The following PRSS12 variants were observed in gnomAD, a reference collection of about 807,000 sequenced individuals.
PRSS12 encodes the protein neurotrypsin.
In PRSS12, 85 loss-of-function variants were observed where a neutral mutation model predicts 104.4. The ratio of observed to expected loss-of-function variants is 0.81; its 90% confidence interval spans 0.68 to 0.98. The LOEUF is 0.98. Among genes scored for constraint, PRSS12 ranks in the 50% least tolerant of loss-of-function variants. The pLI, the probability that PRSS12 is intolerant of heterozygous loss-of-function variation, is 0.00. For synonymous variants in PRSS12, 454 were observed against 425.2 expected, an observed-to-expected ratio of 1.07 and a Z score of -0.83; for missense variants, 1,141 against 1,139.2, an observed-to-expected ratio of 1.00 and a Z score of -0.02.
At chr4:118,326,348 G>C (rs1723771071) in intron 4 of PRSS12, among the ~76,000 whole-genome samples, 1 of 152,198 alleles carries the variant, frequency 6.6e-6, no homozygotes, top group Non-Finnish European at 1.5e-5. Flanking sequence ...TGGTCTAACA[G>C]TGCTTTTAGA....
rs1182867218 is a variant in PRSS12 at position 118,295,835 on chromosome 4, C to G, written c.1859G>C (p.Gly620Ala). 6.2e-7 allele frequency: 1 copy of G among 1,613,944 alleles called. No individual in the cohort carries two copies. The highest frequency in any genetic ancestry group is 8.5e-7 in the Non-Finnish European group (1 of 1,179,966). The change falls in exon 10 of 13, where the codon GGC becomes GCC. Residue 620 changes from glycine (G) to alanine (A), a missense_variant. Physicochemically the swap from Gly to Ala is moderately conservative, Grantham distance 60. Coordinates refer to ENST00000296498, the MANE Select transcript of PRSS12 (RefSeq NM_003619.4). ...SNKESLSSVC[G>A]LRLLHRRQKR... ...CTGCCGACGGTGCAGTAATCTCAAG[C>G]CACAAACAGATGAGAGGGACTCTGA...
At chr4:118,302,094 CATT>C (rs1184115308) in intron 8 of PRSS12, among the ~76,000 whole-genome samples, 1 of 152,016 alleles carries the variant, frequency 6.6e-6, no homozygotes, top group Admixed American at 6.6e-5. Flanking sequence ...AACTTTTCAA[CATT>C]ATTAAGATAT....
Position 118,349,918 on chromosome 4 carries a change from G to A in PRSS12, c.502+2301C>T, listed in dbSNP as rs1205138219. ...CTCAAGAGGCTGAGGCAGGAGAATCGCTTGAACCAGGGAGGCGGAGGTTGC... is the reference window on the plus strand; with the variant it reads ...CTCAAGAGGCTGAGGCAGGAGAATCACTTGAACCAGGGAGGCGGAGGTTGC... On this transcript the variant is annotated intron_variant, in intron 1 of 12. Coordinates refer to ENST00000296498, the MANE Select transcript of PRSS12 (RefSeq NM_003619.4). Among the ~76,000 whole-genome samples, 5 of 152,110 alleles carry A rather than the reference G, an allele frequency of 3.3e-5. No homozygotes were observed. In the East Asian group the frequency reaches 5.8e-4, roughly 18 times the overall value.
chr4:118,301,316 A>G (rs896655891), intron 8 of PRSS12, among the ~76,000 whole-genome samples: 6 of 152,202 alleles, frequency 3.9e-5, no homozygotes, highest in African/African-American at 1.4e-4. Context: ...GAAAACACTT[A>G]AAGTATAGCA....
chr4:118,290,134 T>C (rs113021598), intron 11 of PRSS12, among the ~76,000 whole-genome samples: 1,969 of 152,130 alleles, frequency 0.013, 21 homozygotes, highest in Middle Eastern at 0.02. Flanking sequence ...TAAACACAAA[T>C]GAGAAATGAG....
At chr4:118,320,810 G>A (rs556011022) in intron 4 of PRSS12, among the ~76,000 whole-genome samples, 6 of 152,124 alleles carry the variant, frequency 3.9e-5, no homozygotes, top group East Asian at 3.9e-4. Context: ...GGAATGCTCC[G>A]TCATCACCTG....
chr4:118,350,407 C>T (rs997229370), intron 1 of PRSS12, among the ~76,000 whole-genome samples: 1 of 152,156 alleles, frequency 6.6e-6, no homozygotes, highest in African/African-American at 2.4e-5. Context: ...ATAGGTTATG[C>T]CCAAGCAGAC....
chr4:118,341,630 C>T (rs572432471), intron 1 of PRSS12, among the ~76,000 whole-genome samples: 32 of 151,470 alleles, frequency 2.1e-4, no homozygotes, highest in African/African-American at 6.8e-4. Context: ...TGCGGCGAGC[C>T]GAGATCTCAC....
chr4:118,338,363 G>C, intron 1 of PRSS12, 49 bp from the exon 2 acceptor site: 2 of 1,606,948 alleles, frequency 1.2e-6, no homozygotes, highest in Non-Finnish European at 1.7e-6. Context: ...ATAATCATTT[G>C]AACATATTGA....
At chr4:118,292,468 T>C (rs1288881139) in intron 11 of PRSS12, among the ~76,000 whole-genome samples, 1 of 152,178 alleles carries the variant, frequency 6.6e-6, no homozygotes, top group Admixed American at 6.5e-5. Flanking sequence ...CCTAAACTTT[T>C]TCTGGTCATA....
intron 1 of PRSS12, among the ~76,000 whole-genome samples, chr4:118,350,560 A>G (rs1183099805): frequency 2.0e-5 from 3 of 152,174 alleles, no homozygotes; most frequent in Non-Finnish European, 4.4e-5. Flanking sequence ...TCTTTTGTTC[A>G]ATCACTTTAC....
chr4:118,290,182 G>A (rs539820169), intron 11 of PRSS12, among the ~76,000 whole-genome samples: 1 of 152,172 alleles, frequency 6.6e-6, no homozygotes, highest in South Asian at 2.1e-4. Context: ...AGACAGAGCA[G>A]GCCAAAGGAG....
Position 118,338,283 on chromosome 4 carries a change from C to T in PRSS12, c.534G>A (p.Glu178=), listed in dbSNP as rs376721392. Residue 178 remains glutamate (E), a synonymous_variant, in exon 2 of 13, where the codon GAG becomes GAA. Transcript: ENST00000296498. ...CATATACTTCCACTGTGCCTTCAAACTCATTTTTGCCGCCACGAAGTCGTA... is the reference window on the plus strand; with the variant it reads ...CATATACTTCCACTGTGCCTTCAAATTCATTTTTGCCGCCACGAAGTCGTA... ...GSVRLRGGKN[E]FEGTVEVYAS... The T allele has an allele frequency of 1.2e-6, 2 of 1,614,030 alleles. No homozygotes were observed. The highest frequency in any genetic ancestry group is 1.7e-6 in the Non-Finnish European group (2 of 1,179,950).
intron 9 of PRSS12, 42 bp downstream of exon 9, chr4:118,298,691 T>C (rs1330441943): frequency 1.3e-6 from 2 of 1,542,920 alleles, no homozygotes; most frequent in Admixed American, 1.7e-5. Context: ...GAATGGGAAT[T>C]AGTATTCCTT....
At chr4:118,341,864 A>G (rs899780691) in intron 1 of PRSS12, among the ~76,000 whole-genome samples, 9 of 152,232 alleles carry the variant, frequency 5.9e-5, no homozygotes, top group African/African-American at 4.8e-5. Flanking sequence ...CTGAAATACA[A>G]TAAGTACCTT....
chr4:118,321,442 A>G (rs1323940742), intron 4 of PRSS12, among the ~76,000 whole-genome samples: 1 of 152,202 alleles, frequency 6.6e-6, no homozygotes, highest in Non-Finnish European at 1.5e-5. Flanking sequence ...CTCAGCTTCC[A>G]ATCTGGGCTG....
chr4:118,341,420 C>T (rs1286689340), intron 1 of PRSS12, among the ~76,000 whole-genome samples: 3 of 152,160 alleles, frequency 2.0e-5, no homozygotes, highest in Admixed American at 1.3e-4. Flanking sequence ...CAGTGGCTCA[C>T]GCCTGTAATC....
At chr4:118,342,158 T>C (rs944034934) in intron 1 of PRSS12, among the ~76,000 whole-genome samples, 7 of 152,178 alleles carry the variant, frequency 4.6e-5, no homozygotes, top group African/African-American at 1.4e-4. Context: ...CACAAATGTA[T>C]AGGTACACAA....
intron 4 of PRSS12, among the ~76,000 whole-genome samples, chr4:118,330,111 G>C (rs771804493): frequency 6.6e-6 from 1 of 152,158 alleles, no homozygotes; most frequent in Non-Finnish European, 1.5e-5. Context: ...TGCTGTGTTT[G>C]TTCTTGTCCC....
Sources: gnomAD v4.1 joint callset for allele counts (sites outside exome capture counted in the v4.1 genomes callset) on GRCh38, gnomAD v4.1.1 for gene constraint, MANE v1.5 for transcripts, NCBI Gene and HGNC (gene_info 2026-07-23, HGNC 2026-07-21) for gene names.